Variants in NDRG3 observed in about 807,000 individuals in gnomAD.
The protein encoded by NDRG3 is NDRG family member 3, also known as protein NDRG3.
Under a neutral mutation model 57.2 loss-of-function variants are expected in NDRG3, and 23 were observed. The ratio of observed to expected loss-of-function variants is 0.40; its 90% CI spans 0.29 to 0.57. The LOEUF is 0.57. Among genes scored for constraint, NDRG3 ranks in the 20% least tolerant of loss-of-function variants. The pLI is 0.42. For missense variants in NDRG3, 384 were observed against 457.3 expected (o/e 0.84, Z 1.46); for synonymous variants, 132 against 162.6 (o/e 0.81, Z 1.43).
rs147674011 is a variant in NDRG3, at chr20:36,741,379, A to G, written c.-49+4666T>C. Among the ~76,000 whole-genome samples, 3 of 152,328 alleles carry G rather than the reference A, an allele frequency of 2.0e-5. No individual in the cohort carries two copies. The East Asian group carries it at 5.8e-4, about 29-fold the overall frequency. On this transcript the variant is annotated intron_variant, in intron 1 of 15. Coordinates refer to ENST00000349004, the MANE Select transcript of NDRG3 (RefSeq NM_032013.4). ...TCCAGAAGCTAGCAGCATCTGGCAT[A>G]TAGCAGACACTCTAAAAATGTTTGT...
intron 3 of NDRG3, among the ~76,000 whole-genome samples, chr20:36,701,544 CT>C (rs897071523): frequency 0.11 from 14,042 of 124,278 alleles, 785 homozygotes; most frequent in Middle Eastern, 0.17. Flanking sequence ...GACCCTGTAT[CT>C]TTTTTTTTTT....
At chr20:36,660,185 G>C (rs968962889) in intron 13 of NDRG3, 152 bp downstream of exon 13, 4 of 517,822 alleles carry the variant, frequency 7.7e-6, no homozygotes, top group Non-Finnish European at 1.3e-5. Context: ...TCCAGCCAGG[G>C]CAACACAGCG....
At chr20:36,739,133 TCAAA>T (rs1985773001) in intron 1 of NDRG3, among the ~76,000 whole-genome samples, 2 of 31,524 alleles carry the variant, frequency 6.3e-5, no homozygotes, top group African/African-American at 1.3e-4. Flanking sequence ...AGACCCCATC[TCAAA>T]AAAAAAAAAA....
rs1022562158 is a variant in NDRG3 at position 36,666,386 on chromosome 20, A to C, written c.595T>G (p.Leu199Val). ...ILAHHFGQEE[L>V]QANLDLIQTY... ...TGGATCAGGTCCAGGTTGGCCTGTA[A>C]CTCTTCCTAGAACAATTGAAAGAAG... The change falls in exon 10 of 16, where the codon TTA (leucine) becomes GTA (valine). Residue 199 changes from leucine (L) to valine (V), a missense_variant. Physicochemically the swap from Leu to Val is conservative, Grantham distance 32 (BLOSUM62 1). Coordinates refer to ENST00000349004, the MANE Select transcript of NDRG3 (RefSeq NM_032013.4). The C allele has an allele frequency of 1.9e-5, 30 of 1,611,762 alleles. No homozygotes were observed. Among genetic ancestry groups the C allele is most frequent in the African/African-American group, 2.7e-5 (2 of 74,862 alleles).
chr20:36,705,935 G>A (rs1983526379), intron 3 of NDRG3, among the ~76,000 whole-genome samples: 1 of 151,976 alleles, frequency 6.6e-6, no homozygotes, highest in African/African-American at 2.4e-5. Context: ...AGTAGAGATG[G>A]GGTTTCACTG....
At chr20:36,740,063 G>A (rs1985852566) in intron 1 of NDRG3, among the ~76,000 whole-genome samples, 2 of 152,102 alleles carry the variant, frequency 1.3e-5, no homozygotes, top group South Asian at 4.1e-4. Flanking sequence ...GTAATAAGGG[G>A]ATTATTGTCA....
chr20:36,726,461 T>C (rs914017611), intron 1 of NDRG3, among the ~76,000 whole-genome samples: 1 of 152,172 alleles, frequency 6.6e-6, no homozygotes, highest in African/African-American at 2.4e-5. Context: ...ACTCCATTTT[T>C]GCTCCGCTTT....
intron 1 of NDRG3, among the ~76,000 whole-genome samples, chr20:36,730,653 T>C (rs1039715214): frequency 6.6e-6 from 1 of 151,468 alleles, no homozygotes; most frequent in Admixed American, 6.6e-5. Context: ...TTGGTAAAAA[T>C]AGCACAAGGT....
intron 6 of NDRG3, among the ~76,000 whole-genome samples, chr20:36,683,476 G>A (rs971852255): frequency 1.3e-5 from 2 of 151,782 alleles, no homozygotes; most frequent in African/African-American, 4.8e-5. Context: ...AATTAGCCAG[G>A]CATGGTGGCC....
chr20:36,673,657 G>A (rs771159670), intron 8 of NDRG3, among the ~76,000 whole-genome samples: 1 of 151,964 alleles, frequency 6.6e-6, no homozygotes. Context: ...CAAGTGATCC[G>A]CCCACTTTAA....
At chr20:36,710,259 G>A (rs1220844069) in intron 2 of NDRG3, among the ~76,000 whole-genome samples, 2 of 152,154 alleles carry the variant, frequency 1.3e-5, no homozygotes, top group Non-Finnish European at 2.9e-5. Context: ...AGGAGGTCAA[G>A]GCTGCAGTGA....
At position 36,653,767 on chromosome 20, in the gene NDRG3, T is replaced by A; in HGVS notation, c.947-66A>T. The A allele has an allele frequency of 6.9e-7, 1 of 1,448,232 alleles. No homozygotes were observed. The highest frequency in any genetic ancestry group is 9.5e-7 in the Non-Finnish European group (1 of 1,058,112). The allele number at this position is 1,448,232 out of a possible 1,614,324, so 89.7% of individuals were successfully genotyped here. On this transcript the variant is annotated intron_variant, in intron 15 of 15. Coordinates refer to ENST00000349004, the MANE Select transcript of NDRG3 (RefSeq NM_032013.4). This position sits in a 1 kb window ranked among gnomAD's most constrained non-coding sequence, Gnocchi z 4.2. ...GTTAAGCCCAGCTAACCTAGGAGTCTCATCAAAGTCTTTATGTTTAGCTTT... is the reference window on the plus strand; with the variant it reads ...GTTAAGCCCAGCTAACCTAGGAGTCACATCAAAGTCTTTATGTTTAGCTTT...
chr20:36,683,531 C>T (rs1054700350), intron 6 of NDRG3, among the ~76,000 whole-genome samples: 8 of 151,876 alleles, frequency 5.3e-5, no homozygotes, highest in African/African-American at 1.9e-4. Context: ...GCAGGAAAAT[C>T]GTTTGAACCC....
chr20:36,653,788 G>T lies in NDRG3; in HGVS notation c.947-87C>A, dbSNP rs1429150024. 1 of 1,268,202 alleles carries T rather than the reference G, an allele frequency of 7.9e-7. No homozygotes were observed. The highest frequency in any genetic ancestry group is 1.1e-6 in the Non-Finnish European group (1 of 913,310). The allele number at this position is 1,268,202 out of a possible 1,614,324, so 78.6% of individuals were successfully genotyped here. ...AGTCTCATCAAAGTCTTTATGTTTAGCTTTTCCGACTCATTTACCATGACA... is the reference window on the plus strand; with the variant it reads ...AGTCTCATCAAAGTCTTTATGTTTATCTTTTCCGACTCATTTACCATGACA... On this transcript the variant is annotated intron_variant, in intron 15 of 15. Transcript: ENST00000349004. This position sits in a 1 kb window ranked among gnomAD's most constrained non-coding sequence, Gnocchi z 4.2.
chr20:36,716,139 G>A (rs1984259872), intron 2 of NDRG3, among the ~76,000 whole-genome samples: 2 of 151,704 alleles, frequency 1.3e-5, no homozygotes, highest in African/African-American at 4.8e-5. Context: ...ACAAAATGTT[G>A]TTCCCAGGGT....
chr20:36,742,441 C>G (rs1376058982), intron 1 of NDRG3, among the ~76,000 whole-genome samples: 1 of 152,158 alleles, frequency 6.6e-6, no homozygotes, highest in Non-Finnish European at 1.5e-5. Context: ...AAGGTGCCCC[C>G]CGCCACCTTT....
intron 2 of NDRG3, among the ~76,000 whole-genome samples, chr20:36,718,846 C>T (rs1984423097): frequency 6.6e-6 from 1 of 152,026 alleles, no homozygotes; most frequent in South Asian, 2.1e-4. Flanking sequence ...ACACCTGGAT[C>T]ATTTTTTTAA....
chr20:36,712,642 C>T (rs1417201179), intron 2 of NDRG3, among the ~76,000 whole-genome samples: 1 of 126,122 alleles, frequency 7.9e-6, no homozygotes, highest in Non-Finnish European at 1.6e-5. Context: ...GCTGCCCAGG[C>T]TGGAGTGCAG....
At chr20:36,683,459 C>CA (rs991260249) in intron 6 of NDRG3, among the ~76,000 whole-genome samples, 4 of 150,592 alleles carry the variant, frequency 2.7e-5, no homozygotes, top group Admixed American at 1.3e-4. Flanking sequence ...ACTAAAAATA[C>CA]AAAAAAAATT....
Sources: gnomAD v4.1 joint callset for allele counts (sites outside exome capture counted in the v4.1 genomes callset) on GRCh38, gnomAD v4.1.1 for gene constraint, Gnocchi (gnomAD v3.1) non-coding constraint, MANE v1.5 for transcripts, NCBI Gene and HGNC (gene_info 2026-07-23, HGNC 2026-07-21) for gene names.